Variants in ZFAT observed in about 807,000 individuals in gnomAD.
ZFAT encodes the protein zinc finger protein ZFAT.
ZFAT carries 64 observed loss-of-function variants against 117.7 expected under a neutral mutation model. The ratio of observed to expected loss-of-function variants is 0.54; its 90% CI spans 0.44 to 0.67. ZFAT has a LOEUF of 0.67. ZFAT is among the 30% of genes least tolerant of loss of function. ZFAT has a pLI of 0.00. For missense variants in ZFAT, 1,433 were observed against 1,584.5 expected (o/e 0.90, Z 1.62); for synonymous variants, 679 against 615.0 (o/e 1.10, Z -1.54).
chr8:134,526,530 T>C (rs62523710), intron 12 of ZFAT, among the ~76,000 whole-genome samples: 31,618 of 152,196 alleles, frequency 0.21, 4,041 homozygotes, highest in South Asian at 0.39. Context: ...ATTAATCAGG[T>C]GAAAATATAG....
intron 3 of ZFAT, among the ~76,000 whole-genome samples, chr8:134,632,645 G>T (rs950750025): frequency 1.3e-5 from 2 of 152,062 alleles, no homozygotes; most frequent in African/African-American, 4.8e-5. Flanking sequence ...GGCAAAAAAT[G>T]TAAAAGATAC....
At chr8:134,570,401 T>C (rs1824803290) in intron 10 of ZFAT, among the ~76,000 whole-genome samples, 1 of 152,236 alleles carries the variant, frequency 6.6e-6, no homozygotes, top group Non-Finnish European at 1.5e-5. Flanking sequence ...CATTGTAATA[T>C]ACCACACACT....
At chr8:134,825,622 T>C in the ZFAT span, among the ~76,000 whole-genome samples, 1 of 152,164 alleles carries the variant, frequency 6.6e-6, no homozygotes, top group South Asian at 2.1e-4. Flanking sequence ...TATTGACAAT[T>C]ACTAAAAGGA....
At chr8:134,740,750 C>T in the ZFAT span, among the ~76,000 whole-genome samples, 1 of 152,178 alleles carries the variant, frequency 6.6e-6, no homozygotes, top group South Asian at 2.1e-4. Flanking sequence ...AGACTCAGAG[C>T]TCATGTGCTT....
At chr8:134,686,168 T>C (rs1411562073) in intron 1 of ZFAT, among the ~76,000 whole-genome samples, 1 of 152,252 alleles carries the variant, frequency 6.6e-6, no homozygotes, top group East Asian at 1.9e-4. Flanking sequence ...ACCTGGCCAA[T>C]TCTCAACCTG....
chr8:134,671,546 T>C (rs1186629689), intron 1 of ZFAT, among the ~76,000 whole-genome samples: 3 of 152,174 alleles, frequency 2.0e-5, no homozygotes, highest in Admixed American at 2.0e-4. Flanking sequence ...TTCAACAAAA[T>C]TCAACAGCCC....
chr8:134,531,422 A>G (rs1821393070), intron 12 of ZFAT, among the ~76,000 whole-genome samples: 1 of 152,240 alleles, frequency 6.6e-6, no homozygotes, highest in Admixed American at 6.5e-5. Context: ...GTCATAAAAA[A>G]TAATGCGATG....
intron 1 of ZFAT, among the ~76,000 whole-genome samples, chr8:134,690,842 T>C (rs1006695161): frequency 2.0e-5 from 3 of 152,254 alleles, no homozygotes; most frequent in African/African-American, 7.2e-5. Flanking sequence ...TTTATGTGCA[T>C]TGGCCTCATA....
chr8:134,615,386 G>A (rs993664859), intron 3 of ZFAT, among the ~76,000 whole-genome samples: 3 of 151,942 alleles, frequency 2.0e-5, no homozygotes, highest in African/African-American at 4.8e-5. Flanking sequence ...ACGGGGTTTC[G>A]CCATGTTAGC....
At chr8:134,517,687 A>G (rs1820350527) in intron 13 of ZFAT, among the ~76,000 whole-genome samples, 1 of 152,206 alleles carries the variant, frequency 6.6e-6, no homozygotes, top group South Asian at 2.1e-4. Flanking sequence ...CAGCACATTT[A>G]GCCATCATGC....
chr8:134,516,335 CTTTGGATGGTGGTCTCT>C (rs1408266721), intron 13 of ZFAT, among the ~76,000 whole-genome samples: 5 of 152,190 alleles, frequency 3.3e-5, no homozygotes, highest in African/African-American at 1.2e-4. Flanking sequence ...AGGAGACACG[CTTTGGATGGTGGTCTCT>C]TTTATGTAAT....
rs1828388456 is a variant in ZFAT at position 134,612,217 on chromosome 8, T to C, written c.449-1562A>G. On this transcript the variant is annotated intron_variant, in intron 3 of 15. Transcript: ENST00000377838. Reference sequence around the variant, plus strand: ...CATAAGCCTTTCTCAGCCATGAGTGTGGAAACGGATGAAGGGAAGCAGGGT... The same window carrying C: ...CATAAGCCTTTCTCAGCCATGAGTGCGGAAACGGATGAAGGGAAGCAGGGT... Among the ~76,000 whole-genome samples, 5 of 152,156 alleles carry C rather than the reference T, an allele frequency of 3.3e-5. No individual in the cohort carries two copies. In the South Asian group the frequency reaches 1.0e-3, roughly 32 times the overall value.
rs140994053 is a variant in ZFAT, at chr8:134,672,328, G to A, written c.20-14591C>T. On this transcript the variant is annotated intron_variant, in intron 1 of 15. Transcript: ENST00000377838. ...CCTAAGCCAAAAGAACAAAGCTGGA[G>A]GCATAAAGCTGGAGGTGGAACTGAA... 1.8e-3 allele frequency among the ~76,000 whole-genome samples: 269 copies of A among 152,292 alleles called. 2 individuals are homozygous for A. The highest frequency in any genetic ancestry group is 6.0e-3 in the African/African-American group (250 of 41,548).
chr8:134,622,435 G>A lies in ZFAT; in HGVS notation c.449-11780C>T, dbSNP rs1281795135. Among the ~76,000 whole-genome samples the A allele has an allele frequency of 2.0e-5, 3 of 152,244 alleles. No individual in the cohort carries two copies. In the East Asian group the frequency reaches 5.8e-4, roughly 29 times the overall value. ...GCAGATGTTGGCAAATGGTGTGCAT[G>A]CCCCGCGGGGCTGAAGCCCTTTCTA... On this transcript the variant is annotated intron_variant, in intron 3 of 15. Transcript: ENST00000377838.
intron 1 of ZFAT, among the ~76,000 whole-genome samples, chr8:134,692,295 A>G (rs1342380082): frequency 6.6e-6 from 1 of 152,252 alleles, no homozygotes; most frequent in Non-Finnish European, 1.5e-5. Flanking sequence ...TAAAATGGGA[A>G]TAAATGCAAA....
Position 134,565,342 on chromosome 8 carries a change from G to T in ZFAT, c.2967C>A (p.Val989=). 6.2e-7 allele frequency: 1 copy of T among 1,613,724 alleles called. No individual in the cohort carries two copies. Among genetic ancestry groups the T allele is most frequent in the Non-Finnish European group, 8.5e-7 (1 of 1,179,830 alleles). The change falls in exon 11 of 16, where the codon GTC becomes GTA. Residue 989 remains valine (V), a synonymous_variant. Transcript: ENST00000377838. ...TCCAGAGCCCTCTTACCTTGAAGGA[G>T]ACATGCTGTTCCATGTGCCGCAGCA... ...PQLLRHMEQH[V]SFKPFRCAHC... is the part of the protein sequence containing the mutation.
intron 1 of ZFAT, among the ~76,000 whole-genome samples, chr8:134,671,473 C>T (rs902400730): frequency 1.3e-5 from 2 of 152,156 alleles, no homozygotes; most frequent in African/African-American, 4.8e-5. Context: ...AAATGTAATC[C>T]AGCATATAAA....
chr8:134,773,288 A>T, the ZFAT span, among the ~76,000 whole-genome samples: 2 of 152,094 alleles, frequency 1.3e-5, no homozygotes, highest in Non-Finnish European at 1.5e-5. Flanking sequence ...ATGACAACAC[A>T]TTTGTTTACA....
intron 2 of ZFAT, among the ~76,000 whole-genome samples, chr8:134,651,125 T>C (rs1418011632): frequency 6.6e-6 from 1 of 152,192 alleles, no homozygotes; most frequent in Non-Finnish European, 1.5e-5. Context: ...AGTTTGACAG[T>C]CCTTGAAAAA....
Sources: allele counts gnomAD v4.1 joint callset (sites outside exome capture counted in the v4.1 genomes callset), GRCh38; gene constraint gnomAD v4.1.1; transcripts MANE v1.5; gene names NCBI Gene and HGNC (gene_info 2026-07-23, HGNC 2026-07-21).